Variants in NLGN1 observed in about 807,000 individuals in gnomAD.
NLGN1 encodes neuroligin 1.
In NLGN1, 12 loss-of-function variants were observed where a neutral mutation model predicts 65.5. The ratio of observed to expected loss-of-function variants is 0.18; its 90% CI spans 0.12 to 0.30. The LOEUF (loss-of-function observed/expected upper bound fraction) is 0.30. Ranked by LOEUF, NLGN1 falls within the 10% of genes least tolerant of loss-of-function variation. The pLI is 1.00. For synonymous variants in NLGN1, 350 were observed against 359.5 expected (o/e 0.97, Z 0.30); for missense variants, 750 against 1,007.1 (o/e 0.74, Z 3.46).
chr3:173,862,553 T>C (rs1307221313), intron 4 of NLGN1, among the ~76,000 whole-genome samples: 2 of 142,890 alleles, frequency 1.4e-5, no homozygotes, highest in Non-Finnish European at 3.1e-5. Context: ...ATAATACATA[T>C]AATTATGTAT....
intron 4 of NLGN1, among the ~76,000 whole-genome samples, chr3:173,895,448 TGG>T (rs1736174078): frequency 6.6e-6 from 1 of 152,080 alleles, no homozygotes; most frequent in Non-Finnish European, 1.5e-5. Context: ...AGCCAAAATA[TGG>T]TAAAGATTTT....
chr3:173,807,599 A>G (rs962638718), intron 3 of NLGN1, 81 bp from the exon 4 acceptor site: 4 of 1,490,690 alleles, frequency 2.7e-6, no homozygotes, highest in Non-Finnish European at 3.7e-6. Context: ...CCCTCTTTTC[A>G]CTAAGATGGA....
rs559631135 is a variant in NLGN1 at position 174,062,356 on chromosome 3, T to TG, written c.647-212957dup. On this transcript the variant is annotated intron_variant, in intron 4 of 6. Transcript: ENST00000457714. The stretch of plus-strand genomic sequence containing the variant: ...TACGTATAGTTCTCTTTTCCATAGG[T>TG]GGCACCCTGTTTTATATAGAAACTG... 1.6e-3 allele frequency among the ~76,000 whole-genome samples: 248 copies of TG among 152,226 alleles called. 1 individual carries two copies. Among genetic ancestry groups the TG allele is most frequent in the African/African-American group, 5.8e-3 (241 of 41,568 alleles).
intron 4 of NLGN1, among the ~76,000 whole-genome samples, chr3:173,994,081 A>T (rs891966490): frequency 6.6e-6 from 1 of 152,108 alleles, no homozygotes; most frequent in African/African-American, 2.4e-5. Context: ...AAAATAACCT[A>T]AAGTTGAAAA....
chr3:173,791,401 C>T, intron 3 of NLGN1, among the ~76,000 whole-genome samples: 1 of 152,092 alleles, frequency 6.6e-6, no homozygotes, highest in African/African-American at 2.4e-5. Context: ...CGCACACCAC[C>T]CAATTTAATG....
At chr3:173,678,098 A>C (rs1763416011) in intron 3 of NLGN1, among the ~76,000 whole-genome samples, 1 of 152,086 alleles carries the variant, frequency 6.6e-6, no homozygotes, top group African/African-American at 2.4e-5. Context: ...TCCACTTTTG[A>C]AACAGCCTCT....
chr3:173,895,259 C>T (rs925639048), intron 4 of NLGN1, among the ~76,000 whole-genome samples: 2 of 152,038 alleles, frequency 1.3e-5, no homozygotes, highest in African/African-American at 4.8e-5. Flanking sequence ...ATCTGAGTAC[C>T]ACATCTGTAA....
intron 4 of NLGN1, among the ~76,000 whole-genome samples, chr3:174,222,546 A>G (rs1255625699): frequency 1.3e-5 from 2 of 152,148 alleles, no homozygotes; most frequent in African/African-American, 2.4e-5. Context: ...TTCACAATCA[A>G]CATGGTTCTC....
At chr3:173,720,966 A>G (rs182269823) in intron 3 of NLGN1, among the ~76,000 whole-genome samples, 190 of 152,338 alleles carry the variant, frequency 1.2e-3, no homozygotes, top group African/African-American at 4.3e-3. Context: ...AAGAATGAAT[A>G]AGAGGTAGCT....
At chr3:173,786,237 G>A (rs1386800208) in intron 3 of NLGN1, among the ~76,000 whole-genome samples, 3 of 152,070 alleles carry the variant, frequency 2.0e-5, no homozygotes, top group Non-Finnish European at 4.4e-5. Context: ...TGCAGAGGGA[G>A]GGCCATGAGG....
At chr3:174,150,928 A>T (rs1724196588) in intron 4 of NLGN1, among the ~76,000 whole-genome samples, 1 of 152,032 alleles carries the variant, frequency 6.6e-6, no homozygotes, top group South Asian at 2.1e-4. Context: ...CGTCCTCTCA[A>T]ACTAGCCATA....
At chr3:173,473,381 T>C (rs750649291) in intron 2 of NLGN1, among the ~76,000 whole-genome samples, 10 of 152,326 alleles carry the variant, frequency 6.6e-5, no homozygotes, top group Admixed American at 2.6e-4. Context: ...TCATTGACCA[T>C]TGGGTTAAAA....
intron 2 of NLGN1, among the ~76,000 whole-genome samples, chr3:173,448,156 G>A (rs550294773): frequency 2.0e-5 from 3 of 152,208 alleles, no homozygotes; most frequent in East Asian, 1.9e-4. Context: ...CAAAGGGAAT[G>A]CTTCCAGTTT....
At chr3:173,685,670 A>G in intron 3 of NLGN1, 1 of 985,354 alleles carries the variant, frequency 1.0e-6, no homozygotes, top group Non-Finnish European at 1.2e-6. Flanking sequence ...AAAGATAGCT[A>G]TGTCATGTAA....
intron 4 of NLGN1, among the ~76,000 whole-genome samples, chr3:174,216,164 A>G (rs1187444933): frequency 1.7e-4 from 26 of 152,130 alleles, no homozygotes; most frequent in Admixed American, 1.4e-3. Flanking sequence ...TAGGTGTTGC[A>G]TTAGTAGCTA....
At chr3:174,162,934 T>C (rs1294049842) in intron 4 of NLGN1, among the ~76,000 whole-genome samples, 1 of 151,898 alleles carries the variant, frequency 6.6e-6, no homozygotes, top group East Asian at 1.9e-4. Flanking sequence ...GAGAGGAAGA[T>C]ATATACAGCC....
chr3:174,258,143 A>T (rs1210144863), intron 4 of NLGN1, among the ~76,000 whole-genome samples: 2 of 152,068 alleles, frequency 1.3e-5, no homozygotes, highest in African/African-American at 4.8e-5. Context: ...GTGCCAAAGA[A>T]AAGATGTGTT....
chr3:173,917,633 T>G (rs1014830898), intron 4 of NLGN1, among the ~76,000 whole-genome samples: 3 of 152,194 alleles, frequency 2.0e-5, no homozygotes, highest in African/African-American at 7.2e-5. Context: ...TAGCTAGTCC[T>G]TAGTCCCCTA....
At chr3:173,540,872 T>C (rs890565534) in intron 2 of NLGN1, among the ~76,000 whole-genome samples, 2 of 152,224 alleles carry the variant, frequency 1.3e-5, no homozygotes, top group African/African-American at 4.8e-5. Flanking sequence ...TATCTATTCC[T>C]GCTATATCAC....
Sources: allele counts gnomAD v4.1 joint callset (sites outside exome capture counted in the v4.1 genomes callset), GRCh38; gene constraint gnomAD v4.1.1; transcripts MANE v1.5; gene names NCBI Gene and HGNC (gene_info 2026-07-23, HGNC 2026-07-21).